The following CTSO variants were observed in gnomAD, a reference collection of about 807,000 sequenced individuals.
CTSO encodes cathepsin O.
Under a neutral mutation model 42.4 loss-of-function variants are expected in CTSO, and 40 were observed. The ratio of observed to expected loss-of-function variants is 0.94; its 90% CI spans 0.73 to 1.23. The LOEUF is 1.23. Ranked by LOEUF, CTSO falls within the 50% of genes most tolerant of loss-of-function variation. The probability of loss-of-function intolerance (pLI) is 0.00; values close to 1 mark genes in which losing one functional copy is unlikely to be tolerated. For missense variants in CTSO, 441 were observed against 396.0 expected (o/e 1.11, Z -0.96); for synonymous variants, 156 against 146.2 (o/e 1.07, Z -0.48).
rs1579348818 is a variant in CTSO at position 155,946,999 on chromosome 4, G to A, written c.136-3735C>T. ...GCCTCCCGAGTAGCTGGGACTACGGGCACCCGCCACAATGCCCGGCTAATT... is the reference window on the plus strand; with the variant it reads ...GCCTCCCGAGTAGCTGGGACTACGGACACCCGCCACAATGCCCGGCTAATT... On this transcript the variant is annotated intron_variant, in intron 1 of 7. Transcript: ENST00000433477. Among the ~76,000 whole-genome samples, 7 of 151,776 alleles carry A rather than the reference G, an allele frequency of 4.6e-5. 1 individual carries two copies. The South Asian group carries it at 1.5e-3, about 32-fold the overall frequency.
intron 4 of CTSO, among the ~76,000 whole-genome samples, chr4:155,937,789 T>C (rs1743358452): frequency 6.6e-6 from 1 of 152,046 alleles, no homozygotes; most frequent in Admixed American, 6.6e-5. Context: ...TAATTTTTTG[T>C]ATTTTTTGTA....
intron 5 of CTSO, among the ~76,000 whole-genome samples, chr4:155,931,100 A>C (rs2110907822): frequency 6.6e-6 from 1 of 152,284 alleles, no homozygotes; most frequent in South Asian, 2.1e-4. Flanking sequence ...CCAGCACATA[A>C]GTTTTACTCC....
At chr4:155,943,638 G>A (rs1743480441) in intron 1 of CTSO, among the ~76,000 whole-genome samples, 1 of 152,090 alleles carries the variant, frequency 6.6e-6, no homozygotes, top group South Asian at 2.1e-4. Flanking sequence ...CACTCATGTG[G>A]TTAAACAATT....
At chr4:155,934,354 G>A (rs1743292560) in intron 5 of CTSO, among the ~76,000 whole-genome samples, 1 of 152,230 alleles carries the variant, frequency 6.6e-6, no homozygotes, top group South Asian at 2.1e-4. Flanking sequence ...GCAGGAGCAG[G>A]GCCCTCATGG....
intron 5 of CTSO, among the ~76,000 whole-genome samples, chr4:155,932,087 T>A (rs79238774): frequency 0.064 from 9,728 of 152,158 alleles, 450 homozygotes; most frequent in Non-Finnish European, 0.096. Context: ...CATTCTCATA[T>A]TGTAGTTTGA....
At chr4:155,946,309 A>C (rs1743546036) in intron 1 of CTSO, among the ~76,000 whole-genome samples, 1 of 152,176 alleles carries the variant, frequency 6.6e-6, no homozygotes, top group Non-Finnish European at 1.5e-5. Flanking sequence ...TCATTTCACC[A>C]TCCAAAGTTT....
intron 1 of CTSO, among the ~76,000 whole-genome samples, chr4:155,948,210 G>C (rs1743582250): frequency 6.6e-6 from 1 of 152,098 alleles, no homozygotes; most frequent in Non-Finnish European, 1.5e-5. Flanking sequence ...TGTCCCTTGG[G>C]CATTAGTACG....
At chr4:155,943,345 T>A (rs1743474923) in intron 1 of CTSO, 81 bp from the exon 2 acceptor site, 1 of 769,356 alleles carries the variant, frequency 1.3e-6, no homozygotes. Flanking sequence ...TTGGAGAAAT[T>A]TTTCAATTAT....
chr4:155,949,884 C>A (rs924102551), intron 1 of CTSO, among the ~76,000 whole-genome samples: 3 of 152,176 alleles, frequency 2.0e-5, no homozygotes, highest in Non-Finnish European at 4.4e-5. Flanking sequence ...GCATAGAGCC[C>A]ATGCATGCTG....
intron 1 of CTSO, among the ~76,000 whole-genome samples, chr4:155,946,358 T>G (rs568004111): frequency 6.6e-6 from 1 of 152,250 alleles, no homozygotes; most frequent in Non-Finnish European, 1.5e-5. Context: ...TAACACCAAT[T>G]TAATAATGAA....
At chr4:155,936,389 G>A (rs1034176728) in intron 5 of CTSO, among the ~76,000 whole-genome samples, 1 of 152,118 alleles carries the variant, frequency 6.6e-6, no homozygotes, top group African/African-American at 2.4e-5. Context: ...ATTTCTTTCA[G>A]ATCCCATGGG....
At chr4:155,953,636 G>A (rs1446559562) in intron 1 of CTSO, 77 bp downstream of exon 1, 2 of 1,227,314 alleles carry the variant, frequency 1.6e-6, no homozygotes, top group South Asian at 4.1e-5. Context: ...GCTCTCGGGG[G>A]CCCTCTTCCG....
intron 3 of CTSO, among the ~76,000 whole-genome samples, chr4:155,941,447 C>A (rs1743428132): frequency 6.6e-6 from 1 of 152,210 alleles, no homozygotes; most frequent in Non-Finnish European, 1.5e-5. Flanking sequence ...GCACCTCCTT[C>A]CACCACTTCA....
In CTSO at chr4:155,926,485, G is replaced by A. The variant is rs143968826; in HGVS notation, c.932-415C>T. Reference sequence around the variant, plus strand: ...TGGGTAAAACTTTAATAAATCACGAGTGTGCTATGCTTTCTTTACACACGA... The same window carrying A: ...TGGGTAAAACTTTAATAAATCACGAATGTGCTATGCTTTCTTTACACACGA... On this transcript the variant is annotated intron_variant, in intron 7 of 7. Coordinates refer to ENST00000433477, the MANE Select transcript of CTSO (RefSeq NM_001334.3). Among the ~76,000 whole-genome samples, 402 of 152,250 alleles carry A rather than the reference G, an allele frequency of 2.6e-3. 1 individual carries two copies. Among genetic ancestry groups the A allele is most frequent in the African/African-American group, 9.1e-3 (379 of 41,554 alleles).
At chr4:155,950,855 C>G (rs55726763) in intron 1 of CTSO, among the ~76,000 whole-genome samples, 110,145 of 151,234 alleles carry the variant, frequency 0.73, 40,789 homozygotes, top group South Asian at 0.91. Context: ...TCACCCCACC[C>G]CCACACCCCA....
At chr4:155,946,419 C>A (rs142734650) in intron 1 of CTSO, among the ~76,000 whole-genome samples, 58 of 152,238 alleles carry the variant, frequency 3.8e-4, no homozygotes, top group Non-Finnish European at 7.4e-4. Flanking sequence ...CCCTAATTTT[C>A]AATGATGATT....
intron 7 of CTSO, 77 bp downstream of exon 7, chr4:155,928,259 T>A: frequency 9.4e-7 from 1 of 1,059,822 alleles, no homozygotes; most frequent in Non-Finnish European, 1.4e-6. Flanking sequence ...GTGGTTTGAG[T>A]AGATTGTAAC....
At chr4:155,931,055 A>G (rs368602669) in intron 5 of CTSO, among the ~76,000 whole-genome samples, 6 of 152,186 alleles carry the variant, frequency 3.9e-5, no homozygotes, top group South Asian at 4.1e-4. Context: ...AAATTATGGC[A>G]TACAATTTTG....
At chr4:155,941,740 G>A (rs1215318035) in intron 3 of CTSO, among the ~76,000 whole-genome samples, 1 of 152,108 alleles carries the variant, frequency 6.6e-6, no homozygotes, top group East Asian at 1.9e-4. Context: ...TATGCGTCAC[G>A]TTATGGCTGA....
Sources: allele counts gnomAD v4.1 joint callset (sites outside exome capture counted in the v4.1 genomes callset), GRCh38; gene constraint gnomAD v4.1.1; transcripts MANE v1.5; gene names NCBI Gene and HGNC (gene_info 2026-07-23, HGNC 2026-07-21).